HELZ: variants seen among roughly 807,000 people sequenced by gnomAD.
HELZ encodes the protein ATP-dependent RNA helicase with zinc finger domain.
Under a neutral mutation model 218.2 loss-of-function variants are expected in HELZ, and 23 were observed. The ratio of observed to expected loss-of-function variants is 0.11; its 90% CI spans 0.08 to 0.15. The LOEUF (loss-of-function observed/expected upper bound fraction) is 0.15. Ranked by LOEUF, HELZ falls within the 10% of genes least tolerant of loss-of-function variation. The pLI is 1.00. For synonymous variants in HELZ, 814 were observed against 829.4 expected (o/e 0.98, Z 0.32); for missense variants, 1,813 against 2,353.7 (o/e 0.77, Z 4.75).
chr17:67,215,345 C>T (rs1024622409), intron 5 of HELZ, among the ~76,000 whole-genome samples: 2 of 144,758 alleles, frequency 1.4e-5, no homozygotes, highest in Admixed American at 7.1e-5. Flanking sequence ...TGGAGCTATT[C>T]AAACTTTTTT....
At chr17:67,122,324 T>C (rs2143834282) in intron 26 of HELZ, among the ~76,000 whole-genome samples, 1 of 152,258 alleles carries the variant, frequency 6.6e-6, no homozygotes, top group South Asian at 2.1e-4. Context: ...GACAGGCGGA[T>C]CACAAGGTCA....
chr17:67,134,542 A>C (rs770176878), intron 23 of HELZ, among the ~76,000 whole-genome samples: 1 of 152,202 alleles, frequency 6.6e-6, no homozygotes, highest in Non-Finnish European at 1.5e-5. Flanking sequence ...TTTAAAAAAG[A>C]AATTTTTTTT....
chr17:67,134,301 C>G (rs1390476008), intron 23 of HELZ, among the ~76,000 whole-genome samples: 1 of 151,894 alleles, frequency 6.6e-6, no homozygotes, highest in African/African-American at 2.4e-5. Context: ...AGGAGAATCA[C>G]TTGAACCCAA....
intron 5 of HELZ, among the ~76,000 whole-genome samples, chr17:67,206,038 A>T (rs1433991969): frequency 2.0e-5 from 3 of 152,302 alleles, no homozygotes. Flanking sequence ...CTAGTTCCTT[A>T]TTACCTTGAA....
chr17:67,215,081 C>G (rs755299315), intron 5 of HELZ, among the ~76,000 whole-genome samples: 6 of 151,982 alleles, frequency 3.9e-5, no homozygotes, highest in Non-Finnish European at 8.8e-5. Context: ...AAGGTAGAGG[C>G]TGCAGTGAGC....
At chr17:67,130,197 G>C (rs1465218566) in intron 23 of HELZ, among the ~76,000 whole-genome samples, 1 of 151,996 alleles carries the variant, frequency 6.6e-6, no homozygotes, top group Non-Finnish European at 1.5e-5. Flanking sequence ...GGTGGGAGAG[G>C]GGTAAGGAAT....
At chr17:67,171,037 G>T (rs1054414718) in intron 13 of HELZ, among the ~76,000 whole-genome samples, 7 of 131,946 alleles carry the variant, frequency 5.3e-5, no homozygotes, top group Non-Finnish European at 1.1e-4. Context: ...ATGATGTACA[G>T]TTTTTTTTTT....
chr17:67,095,238 A>G (rs890628259), intron 31 of HELZ, among the ~76,000 whole-genome samples: 8 of 152,172 alleles, frequency 5.3e-5, no homozygotes, highest in Admixed American at 3.3e-4. Flanking sequence ...TTCACCCATA[A>G]CAAGAAATTT....
chr17:67,212,213 G>A (rs1022090168), intron 5 of HELZ, among the ~76,000 whole-genome samples: 1 of 147,680 alleles, frequency 6.8e-6, no homozygotes, highest in African/African-American at 2.5e-5. Context: ...CCCAGCTACT[G>A]GGGAGGCAGG....
intron 5 of HELZ, among the ~76,000 whole-genome samples, chr17:67,210,623 T>C (rs1018314719): frequency 6.6e-6 from 1 of 152,198 alleles, no homozygotes; most frequent in Non-Finnish European, 1.5e-5. Flanking sequence ...CCTCATTCAT[T>C]TTTTTAGTGT....
chr17:67,152,783 A>AAC (rs1555612007), intron 17 of HELZ, among the ~76,000 whole-genome samples: 49 of 151,520 alleles, frequency 3.2e-4, no homozygotes, highest in Non-Finnish European at 6.3e-4. Flanking sequence ...AAAAAAAAAA[A>AAC]AACAACTAGT....
At chr17:67,129,270 TATAATGAATATAAATCA>T (rs2037900364) in intron 23 of HELZ, among the ~76,000 whole-genome samples, 1 of 151,992 alleles carries the variant, frequency 6.6e-6, no homozygotes, top group Non-Finnish European at 1.5e-5. Flanking sequence ...TAAAATTCAA[TATAATGAATATAAATCA>T]CATAATTCTA....
chr17:67,103,634 G>C (rs1324425352), intron 31 of HELZ, among the ~76,000 whole-genome samples: 1 of 152,170 alleles, frequency 6.6e-6, no homozygotes, highest in East Asian at 1.9e-4. Flanking sequence ...TCAGGTACTC[G>C]AAGACTTAAT....
intron 22 of HELZ, 135 bp from the exon 23 acceptor site, chr17:67,136,333 T>C (rs917061584): frequency 4.8e-5 from 31 of 640,566 alleles, no homozygotes; most frequent in Non-Finnish European, 6.9e-5. Flanking sequence ...CTGAAACCCT[T>C]ATGCACTGCT....
At position 67,087,129 on chromosome 17, in the gene HELZ, T is replaced by C. The variant is rs143930594; in HGVS notation, c.5242-48A>G. Reference sequence around the variant, plus strand: ...TCATAAATCAGTGCACCTTGTGCCATAGTCCTCTCTCTTTTCACTCCATAG... The same window carrying C: ...TCATAAATCAGTGCACCTTGTGCCACAGTCCTCTCTCTTTTCACTCCATAG... On this transcript the variant is annotated intron_variant, in intron 31 of 32. Coordinates refer to ENST00000358691, the MANE Select transcript of HELZ (RefSeq NM_014877.4). The C allele has an allele frequency of 2.2e-4, 349 of 1,578,564 alleles. 1 individual carries two copies. The African/African-American group carries it at 4.1e-3, about 19-fold the overall frequency.
At chr17:67,150,453 G>T (rs190679029) in intron 18 of HELZ, among the ~76,000 whole-genome samples, 175 of 152,018 alleles carry the variant, frequency 1.2e-3, no homozygotes, top group Non-Finnish European at 2.1e-3. Flanking sequence ...CTTTTTGATG[G>T]TTAAGTTTTG....
At chr17:67,206,215 G>A (rs2040292378) in intron 5 of HELZ, among the ~76,000 whole-genome samples, 1 of 152,246 alleles carries the variant, frequency 6.6e-6, no homozygotes, top group Non-Finnish European at 1.5e-5. Flanking sequence ...ATGTGTGAGA[G>A]TGTACTGTGC....
chr17:67,155,634 C>A (rs559076343), intron 17 of HELZ, among the ~76,000 whole-genome samples: 2 of 152,196 alleles, frequency 1.3e-5, no homozygotes, highest in South Asian at 4.2e-4. Flanking sequence ...GCCAGGAGTT[C>A]GAGGCCAGCC....
chr17:67,178,157 C>T (rs1372123756), intron 13 of HELZ, among the ~76,000 whole-genome samples: 1 of 152,118 alleles, frequency 6.6e-6, no homozygotes, highest in Admixed American at 6.5e-5. Flanking sequence ...TTGGTCTTAA[C>T]CTGTGGCATA....
Sources: allele counts gnomAD v4.1 joint callset (sites outside exome capture counted in the v4.1 genomes callset), GRCh38; gene constraint gnomAD v4.1.1; transcripts MANE v1.5; gene names NCBI Gene and HGNC (gene_info 2026-07-23, HGNC 2026-07-21).